The following IL1RAPL2 variants were observed in gnomAD, a reference collection of about 807,000 sequenced individuals.
The protein encoded by IL1RAPL2 is interleukin 1 receptor accessory protein like 2, also known as X-linked interleukin-1 receptor accessory protein-like 2.
IL1RAPL2 carries 3 observed loss-of-function variants against 44.1 expected under a neutral mutation model. The observed-to-expected ratio is 0.07, with a 90% CI of 0.03 to 0.18. The LOEUF is 0.18. Among genes scored for constraint, IL1RAPL2 ranks in the 10% least tolerant of loss-of-function variants. The pLI is 1.00. For synonymous variants in IL1RAPL2, 181 were observed against 178.8 expected (o/e 1.01, Z -0.10); for missense variants, 391 against 496.4 (o/e 0.79, Z 2.02).
At chrX:105,069,192 GC>G in intron 2 of IL1RAPL2, among the ~76,000 whole-genome samples, 1 of 112,857 alleles carries the variant, frequency 8.9e-6, no homozygotes, top group Non-Finnish European at 1.9e-5. Context: ...CACAGAGTGG[GC>G]AACCACAGAG....
At chrX:104,968,933 G>A (rs2030179066) in intron 2 of IL1RAPL2, among the ~76,000 whole-genome samples, 2 of 107,778 alleles carry the variant, frequency 1.9e-5, no homozygotes, top group South Asian at 4.1e-4. Flanking sequence ...TATATTCAAT[G>A]CAATTCCAAT....
chrX:105,166,938 A>T (rs2033376154), intron 2 of IL1RAPL2, among the ~76,000 whole-genome samples: 1 of 112,309 alleles, frequency 8.9e-6, no homozygotes, highest in African/African-American at 3.2e-5. Flanking sequence ...TATAATAAAA[A>T]CTTAAACTAA....
intron 2 of IL1RAPL2, among the ~76,000 whole-genome samples, chrX:105,034,779 G>T (rs997074998): frequency 1.8e-5 from 2 of 111,769 alleles, no homozygotes; most frequent in Non-Finnish European, 3.8e-5. Flanking sequence ...GTCAGACAGG[G>T]ACATTTAAGT....
chrX:105,386,051 G>C (rs1479001783), intron 5 of IL1RAPL2, among the ~76,000 whole-genome samples: 2 of 111,275 alleles, frequency 1.8e-5, no homozygotes, highest in Non-Finnish European at 3.8e-5. Flanking sequence ...AAATATAATA[G>C]GATGCAGTCC....
At chrX:104,672,528 G>C (rs1202755958) in intron 2 of IL1RAPL2, among the ~76,000 whole-genome samples, 6 of 104,463 alleles carry the variant, frequency 5.7e-5, no homozygotes, top group African/African-American at 2.1e-4. Flanking sequence ...CCAAGTCTTT[G>C]CTATTGTGAA....
rs188562998 is a variant in IL1RAPL2, at chrX:104,914,294, G to A, written c.82+255299G>A. Among the ~76,000 whole-genome samples the A allele has an allele frequency of 4.5e-3, 502 of 111,906 alleles. 3 individuals carry two copies. Among genetic ancestry groups the A allele is most frequent in the African/African-American group, 0.015 (473 of 30,818 alleles). ...AGCAGGTTTGGTTAGAAAGGGTTACGCAGAAGGGTAATGTGGGTTTGGAGT... is the reference window on the plus strand; with the variant it reads ...AGCAGGTTTGGTTAGAAAGGGTTACACAGAAGGGTAATGTGGGTTTGGAGT... On this transcript the variant is annotated intron_variant, in intron 2 of 10. Transcript: ENST00000372582.
Position 105,195,625 on chromosome X carries a change from A to G in IL1RAPL2, c.233A>G (p.Lys78Arg), listed in dbSNP as rs782059851. Residue 78 changes from lysine (K) to arginine (R), a missense_variant, in exon 3 of 11, where the codon AAA becomes AGA. By Grantham distance (26) the Lys-to-Arg change is conservative. Coordinates refer to ENST00000372582, the MANE Select transcript of IL1RAPL2 (RefSeq NM_017416.2). ...ACTGGGCTCAGGCTTATGTGGTACA[A>G]AAACAAAGGTGATTTGGAAGAGCCC... ...QSTGLRLMWY[K>R]NKGDLEEPII... The G allele has an allele frequency of 1.4e-5, 17 of 1,212,108 alleles. No homozygotes were observed. Among genetic ancestry groups the G allele is most frequent in the Non-Finnish European group, 1.9e-5 (17 of 895,546 alleles).
At chrX:104,947,335 G>A (rs1032796291) in intron 2 of IL1RAPL2, among the ~76,000 whole-genome samples, 1 of 96,795 alleles carries the variant, frequency 1.0e-5, no homozygotes, top group South Asian at 5.8e-4. Flanking sequence ...CAGATGAGTA[G>A]GTTGTGAAAA....
At chrX:105,412,979 A>G (rs1487656710) in intron 5 of IL1RAPL2, among the ~76,000 whole-genome samples, 1 of 111,713 alleles carries the variant, frequency 9.0e-6, no homozygotes, top group Non-Finnish European at 1.9e-5. Flanking sequence ...ATTTTTTAAA[A>G]TTATTTTTCT....
At position 105,187,798 on chromosome X, in the gene IL1RAPL2, A is replaced by G. The variant is rs1170232965; in HGVS notation, c.83-7677A>G. Among the ~76,000 whole-genome samples, 7 of 111,674 alleles carry G rather than the reference A, an allele frequency of 6.3e-5. No homozygotes were observed. In the Admixed American group the frequency reaches 6.7e-4, roughly 11 times the overall value. On this transcript the variant is annotated intron_variant, in intron 2 of 10. Coordinates refer to ENST00000372582, the MANE Select transcript of IL1RAPL2 (RefSeq NM_017416.2). ...CGAACAGTAGGAATAATTTCAGGATATCTATTGCACAGCATAGGAGCTATA... is the reference window on the plus strand; with the variant it reads ...CGAACAGTAGGAATAATTTCAGGATGTCTATTGCACAGCATAGGAGCTATA...
At chrX:105,114,352 T>C (rs1005622803) in intron 2 of IL1RAPL2, among the ~76,000 whole-genome samples, 2 of 112,298 alleles carry the variant, frequency 1.8e-5, no homozygotes, top group Non-Finnish European at 3.8e-5. Flanking sequence ...ACCCAGTTTA[T>C]GGTATTTTAT....
chrX:105,659,755 C>T (rs1248068709), intron 6 of IL1RAPL2, among the ~76,000 whole-genome samples: 6 of 109,825 alleles, frequency 5.5e-5, no homozygotes, highest in African/African-American at 2.0e-4. Context: ...ATCACATTCT[C>T]TTAACAGCAG....
intron 2 of IL1RAPL2, among the ~76,000 whole-genome samples, chrX:105,039,469 T>A (rs1419524666): frequency 8.9e-6 from 1 of 111,847 alleles, no homozygotes; most frequent in Non-Finnish European, 1.9e-5. Flanking sequence ...TTCCTATGCT[T>A]CTCAACATAC....
intron 1 of IL1RAPL2, among the ~76,000 whole-genome samples, chrX:104,623,742 C>T (rs1472346433): frequency 1.8e-5 from 2 of 111,594 alleles, no homozygotes; most frequent in African/African-American, 3.3e-5. Flanking sequence ...CAAATCCACA[C>T]TTTTGAAACT....
At chrX:105,041,348 A>G (rs1035154699) in intron 2 of IL1RAPL2, among the ~76,000 whole-genome samples, 17 of 111,027 alleles carry the variant, frequency 1.5e-4, no homozygotes, top group Admixed American at 3.8e-4. Context: ...AAAATAATGT[A>G]TATTCTGTTG....
intron 2 of IL1RAPL2, among the ~76,000 whole-genome samples, chrX:104,964,117 A>G (rs905913148): frequency 9.1e-6 from 1 of 110,378 alleles, no homozygotes; most frequent in Non-Finnish European, 1.9e-5. Context: ...ACTGCTTTTC[A>G]GAACTAATAT....
chrX:105,468,584 A>C (rs991469817), intron 5 of IL1RAPL2, among the ~76,000 whole-genome samples: 1 of 111,589 alleles, frequency 9.0e-6, no homozygotes, highest in Non-Finnish European at 1.9e-5. Context: ...TTCATTTTGC[A>C]CTGGACCCTA....
At chrX:105,656,538 A>T (rs988804499) in intron 6 of IL1RAPL2, among the ~76,000 whole-genome samples, 1 of 111,973 alleles carries the variant, frequency 8.9e-6, no homozygotes, top group African/African-American at 3.2e-5. Context: ...GATACAGACT[A>T]TATCCCTCCA....
At chrX:104,700,457 T>C (rs968305754) in intron 2 of IL1RAPL2, among the ~76,000 whole-genome samples, 91 of 112,175 alleles carry the variant, frequency 8.1e-4, no homozygotes, top group African/African-American at 2.8e-3. Context: ...ATTTTTCTCT[T>C]GACCATAATT....
Sources: allele counts gnomAD v4.1 joint callset (sites outside exome capture counted in the v4.1 genomes callset), GRCh38; gene constraint gnomAD v4.1.1; transcripts MANE v1.5; gene names NCBI Gene and HGNC (gene_info 2026-07-23, HGNC 2026-07-21).